The following UQCC1 variants were observed in gnomAD, a reference collection of about 807,000 sequenced individuals.
UQCC1 encodes the protein bFGF-repressed Zic-binding protein.
UQCC1 carries 38 observed loss-of-function variants against 48.0 expected under a neutral mutation model. That is an observed-to-expected ratio of 0.79 (90% CI 0.61 to 1.04). UQCC1 has a LOEUF of 1.04. Ranked by LOEUF, UQCC1 falls within the 50% of genes least tolerant of loss-of-function variation. The probability of loss-of-function intolerance (pLI) is 0.00; values close to 1 mark genes in which losing one functional copy is unlikely to be tolerated. For synonymous variants in UQCC1, 111 were observed against 129.2 expected, an observed-to-expected ratio of 0.86 and a Z score of 0.95; for missense variants, 368 against 381.8, an observed-to-expected ratio of 0.96 and a Z score of 0.30.
intron 7 of UQCC1, among the ~76,000 whole-genome samples, chr20:35,323,169 C>T (rs1018280134): frequency 3.3e-5 from 5 of 152,156 alleles, no homozygotes; most frequent in East Asian, 1.9e-4. Context: ...CTTTTCTAAG[C>T]GATCACACCT....
chr20:35,376,968 C>CAAAA (rs11330133), intron 4 of UQCC1, among the ~76,000 whole-genome samples: 3 of 142,620 alleles, frequency 2.1e-5, no homozygotes, highest in Admixed American at 1.4e-4. Flanking sequence ...CAAAACAAAA[C>CAAAA]AAAAAAAAAA....
chr20:35,366,639 G>A (rs1455660724), intron 5 of UQCC1, 25 bp from the exon 6 acceptor site: 5 of 1,590,508 alleles, frequency 3.1e-6, no homozygotes, highest in Non-Finnish European at 4.3e-6. Context: ...TAAGGTATAA[G>A]TATGTGAGGG....
chr20:35,402,603 ACAAACAAAC>A (rs1178223672), intron 1 of UQCC1, among the ~76,000 whole-genome samples: 1 of 145,664 alleles, frequency 6.9e-6, no homozygotes, highest in African/African-American at 2.6e-5. Context: ...AAACAAACAA[ACAAACAAAC>A]AAAATATATA....
chr20:35,378,805 T>G (rs996080240), intron 4 of UQCC1, among the ~76,000 whole-genome samples: 1 of 152,202 alleles, frequency 6.6e-6, no homozygotes, highest in African/African-American at 2.4e-5. Flanking sequence ...TCTTGTTAGA[T>G]TCTTATTTTG....
intron 3 of UQCC1, among the ~76,000 whole-genome samples, chr20:35,383,241 T>C (rs1234258719): frequency 2.0e-5 from 3 of 152,328 alleles, no homozygotes; most frequent in Admixed American, 6.5e-5. Context: ...TCTGTTCTAA[T>C]GTTAACCCTC....
At chr20:35,384,534 T>A in intron 2 of UQCC1, 1 of 400,984 alleles carries the variant, frequency 2.5e-6, no homozygotes, top group Non-Finnish European at 4.8e-6. Context: ...TTAAGCTGCT[T>A]GGGAGGCTGA....
At chr20:35,342,723 T>C (rs1476298557) in intron 7 of UQCC1, among the ~76,000 whole-genome samples, 1 of 152,226 alleles carries the variant, frequency 6.6e-6, no homozygotes, top group African/African-American at 2.4e-5. Flanking sequence ...GTTAATGAAA[T>C]AAAACTAGAC....
rs201535062 is a variant in UQCC1 at position 35,393,285 on chromosome 20, C to CA, written c.129+806dup. On this transcript the variant is annotated intron_variant, in intron 2 of 9. Coordinates refer to ENST00000374385, the MANE Select transcript of UQCC1 (RefSeq NM_018244.5). ...GTAAGAAAATTAAAGCTTATAATGG[C>CA]AAAAAAAAGGAAATGATTTTCATAT... 7.3e-3 allele frequency among the ~76,000 whole-genome samples: 1,083 copies of CA among 149,100 alleles called. 15 individuals are homozygous for CA. The highest frequency in any genetic ancestry group is 0.025 in the African/African-American group (1,031 of 40,642).
intron 6 of UQCC1, among the ~76,000 whole-genome samples, chr20:35,355,535 A>C (rs1365563495): frequency 6.6e-6 from 1 of 152,244 alleles, no homozygotes; most frequent in Non-Finnish European, 1.5e-5. Context: ...GCAGAGCTGA[A>C]GGCTGGGCCA....
intron 6 of UQCC1, among the ~76,000 whole-genome samples, chr20:35,359,510 ATGCTGACCTCCTGCC>A (rs2061582565): frequency 6.6e-6 from 1 of 152,186 alleles, no homozygotes; most frequent in Admixed American, 6.5e-5. Flanking sequence ...GTTATTCCTG[ATGCTGACCTCCTGCC>A]AGGTACTGGC....
intron 2 of UQCC1, among the ~76,000 whole-genome samples, chr20:35,392,819 AAT>A (rs1386630177): frequency 6.6e-6 from 1 of 151,398 alleles, no homozygotes; most frequent in Non-Finnish European, 1.5e-5. Flanking sequence ...TAAATTATAT[AAT>A]ATATATAATT....
chr20:35,401,210 T>G (rs2062159536), intron 1 of UQCC1, among the ~76,000 whole-genome samples: 1 of 152,234 alleles, frequency 6.6e-6, no homozygotes, highest in South Asian at 2.1e-4. Context: ...CATTGTTGAT[T>G]CATTAACACG....
At chr20:35,390,354 G>A (rs1397997861) in intron 2 of UQCC1, among the ~76,000 whole-genome samples, 2 of 151,728 alleles carry the variant, frequency 1.3e-5, no homozygotes, top group South Asian at 2.1e-4. Flanking sequence ...CCTGGGAGGC[G>A]GAGGTTGCAG....
At chr20:35,389,495 G>A (rs1466726595) in intron 2 of UQCC1, among the ~76,000 whole-genome samples, 12 of 151,992 alleles carry the variant, frequency 7.9e-5, no homozygotes, top group African/African-American at 2.7e-4. Flanking sequence ...CCCGGGAGGC[G>A]GAGGTTGCAG....
intron 3 of UQCC1, among the ~76,000 whole-genome samples, chr20:35,382,494 CT>C (rs915776477): frequency 9.8e-5 from 13 of 132,758 alleles, no homozygotes; most frequent in African/African-American, 2.2e-4. Flanking sequence ...TTTTAATTTT[CT>C]TTTTTTTTTC....
chr20:35,325,655 A>G (rs2061184593), intron 7 of UQCC1, among the ~76,000 whole-genome samples: 1 of 152,242 alleles, frequency 6.6e-6, no homozygotes, highest in Non-Finnish European at 1.5e-5. Flanking sequence ...GAAGTTTACA[A>G]TCTCACGTGG....
chr20:35,317,690 AC>A (rs1340514511), intron 7 of UQCC1, among the ~76,000 whole-genome samples: 1 of 152,090 alleles, frequency 6.6e-6, no homozygotes, highest in Non-Finnish European at 1.5e-5. Flanking sequence ...TAATCTCGGC[AC>A]CCCCATCATC....
At chr20:35,311,547 C>G (rs79498267) in intron 8 of UQCC1, among the ~76,000 whole-genome samples, 1 of 152,152 alleles carries the variant, frequency 6.6e-6, no homozygotes, top group Non-Finnish European at 1.5e-5. Context: ...CTTGTGACTC[C>G]AAGTGTGGTC....
At chr20:35,387,117 C>G (rs1018824948) in intron 2 of UQCC1, among the ~76,000 whole-genome samples, 4 of 151,476 alleles carry the variant, frequency 2.6e-5, no homozygotes, top group African/African-American at 7.3e-5. Flanking sequence ...TCTCTACCCC[C>G]CTCCAAAAAA....
Sources: gnomAD v4.1 joint callset for allele counts (sites outside exome capture counted in the v4.1 genomes callset) on GRCh38, gnomAD v4.1.1 for gene constraint, MANE v1.5 for transcripts, NCBI Gene and HGNC (gene_info 2026-07-23, HGNC 2026-07-21) for gene names.